The following ADGRV1 variants were observed in gnomAD, a reference collection of about 807,000 sequenced individuals.
The protein encoded by ADGRV1 is adhesion G protein-coupled receptor V1.
A neutral mutation model predicts 596.2 loss-of-function variants in ADGRV1; 359 were observed. That is an observed-to-expected ratio of 0.60 (90% confidence interval 0.55 to 0.66). ADGRV1 has a LOEUF of 0.66. Among genes scored for constraint, ADGRV1 ranks in the 30% least tolerant of loss-of-function variants. The pLI is 0.00. For missense variants in ADGRV1, 7,274 were observed against 7,575.6 expected (o/e 0.96, Z 1.48); for synonymous variants, 2,681 against 2,679.2 (o/e 1.00, Z -0.02).
At chr5:91,093,992 C>G (rs1790617454) in intron 86 of ADGRV1, among the ~76,000 whole-genome samples, 1 of 151,658 alleles carries the variant, frequency 6.6e-6, no homozygotes, top group Non-Finnish European at 1.5e-5. Context: ...GCTGGGATTA[C>G]AGGCATGCGC....
intron 11 of ADGRV1, among the ~76,000 whole-genome samples, chr5:90,641,533 G>A (rs1429597077): frequency 6.6e-6 from 1 of 152,080 alleles, no homozygotes; most frequent in Non-Finnish European, 1.5e-5. Flanking sequence ...GGACAAATTT[G>A]GTATGAAAAT....
intron 54 of ADGRV1, among the ~76,000 whole-genome samples, chr5:90,754,561 A>G (rs1201799992): frequency 1.3e-5 from 2 of 152,094 alleles, no homozygotes; most frequent in Non-Finnish European, 2.9e-5. Context: ...GAACAAAATC[A>G]CTCTTAATGA....
intron 21 of ADGRV1, among the ~76,000 whole-genome samples, chr5:90,666,244 A>T (rs1182477851): frequency 6.6e-6 from 1 of 151,734 alleles, no homozygotes; most frequent in Non-Finnish European, 1.5e-5. Flanking sequence ...AATGTGTGGG[A>T]GTCTAAGTCT....
chr5:90,839,962 A>G (rs1260347584), intron 77 of ADGRV1, among the ~76,000 whole-genome samples: 1 of 152,186 alleles, frequency 6.6e-6, no homozygotes, highest in Admixed American at 6.5e-5. Context: ...TAGTAAATAA[A>G]TGCACATTCC....
chr5:90,787,061 G>A (rs1205104641), intron 67 of ADGRV1, among the ~76,000 whole-genome samples: 1 of 152,188 alleles, frequency 6.6e-6, no homozygotes, highest in Non-Finnish European at 1.5e-5. Context: ...CAGCAGAGAA[G>A]CTTGAGAAGT....
At chr5:90,726,524 T>C (rs17623602) in intron 48 of ADGRV1, among the ~76,000 whole-genome samples, 5,091 of 152,302 alleles carry the variant, frequency 0.033, 111 homozygotes, top group Non-Finnish European at 0.05. Context: ...CCAGATCCAG[T>C]GGGTGTTTTT....
chr5:90,850,692 A>C (rs1766398665), intron 79 of ADGRV1: 1 of 152,186 alleles, frequency 6.6e-6, no homozygotes, highest in African/African-American at 2.4e-5. Flanking sequence ...TAAGATCACC[A>C]GCATGTTAAA....
intron 86 of ADGRV1, among the ~76,000 whole-genome samples, chr5:91,077,361 TGTGCCTGACAACA>T (rs145705617): frequency 0.023 from 3,440 of 152,330 alleles, 117 homozygotes; most frequent in African/African-American, 0.078. Context: ...GTGGATTAAA[TGTGCCTGACAACA>T]GAAGCAACTT....
chr5:91,108,612 T>C (rs963599586), intron 87 of ADGRV1, among the ~76,000 whole-genome samples: 2 of 152,184 alleles, frequency 1.3e-5, no homozygotes, highest in African/African-American at 4.8e-5. Flanking sequence ...TTTTTTCCTT[T>C]GAGACAGGGT....
intron 84 of ADGRV1, among the ~76,000 whole-genome samples, chr5:90,975,468 T>G (rs1779478194): frequency 6.6e-6 from 1 of 152,164 alleles, no homozygotes; most frequent in African/African-American, 2.4e-5. Context: ...CCATCAGTGA[T>G]AGACTGGATT....
At chr5:90,708,084 G>C (rs756894793) in intron 38 of ADGRV1, among the ~76,000 whole-genome samples, 41 of 152,306 alleles carry the variant, frequency 2.7e-4, no homozygotes, top group Non-Finnish European at 4.6e-4. Context: ...ATGTTGGTGA[G>C]TGTGTACTGA....
chr5:90,906,538 G>C (rs893813769), intron 83 of ADGRV1, among the ~76,000 whole-genome samples: 1 of 152,042 alleles, frequency 6.6e-6, no homozygotes, highest in African/African-American at 2.4e-5. Context: ...AGTCTCTAAA[G>C]ATCCTTTGCA....
intron 83 of ADGRV1, among the ~76,000 whole-genome samples, chr5:90,942,763 A>C (rs989370652): frequency 4.6e-5 from 7 of 152,264 alleles, no homozygotes; most frequent in African/African-American, 1.4e-4. Flanking sequence ...AAGTACCTGG[A>C]TTTTTAAAAC....
intron 83 of ADGRV1, among the ~76,000 whole-genome samples, chr5:90,893,209 G>A (rs1022380588): frequency 1.3e-5 from 2 of 152,084 alleles, no homozygotes; most frequent in Non-Finnish European, 2.9e-5. Flanking sequence ...TTGGCTAGAG[G>A]CTCCAGTTCC....
chr5:90,769,524 A>C (rs1244424358), intron 59 of ADGRV1, among the ~76,000 whole-genome samples: 2 of 152,166 alleles, frequency 1.3e-5, no homozygotes, highest in African/African-American at 2.4e-5. Flanking sequence ...ATCATGATGC[A>C]TATCATTTTT....
intron 83 of ADGRV1, among the ~76,000 whole-genome samples, chr5:90,961,998 G>A (rs931316490): frequency 3.3e-5 from 5 of 152,318 alleles, no homozygotes; most frequent in Middle Eastern, 3.4e-3. Flanking sequence ...AGAGGGGACT[G>A]TGCTCGATTT....
At chr5:90,744,791 C>T (rs181716744) in intron 50 of ADGRV1, among the ~76,000 whole-genome samples, 99 of 152,206 alleles carry the variant, frequency 6.5e-4, no homozygotes, top group African/African-American at 2.3e-3. Flanking sequence ...AAATTAGTTT[C>T]GGTTTTAGCA....
rs202007072 is a variant in ADGRV1, at chr5:90,720,964, A to G, written c.9653A>G (p.Asn3218Ser). 4 of 1,612,224 alleles carry G rather than the reference A, an allele frequency of 2.5e-6. No individual in the cohort carries two copies. The highest frequency in any genetic ancestry group is 2.7e-5 in the African/African-American group (2 of 74,976). The change falls in exon 45 of 90, where the codon AAT (asparagine) becomes AGT (serine). Residue 3218 changes from asparagine to serine, a missense_variant. Transcript: ENST00000405460. ...RATSIDIEEANRTVYLNVSRT... is the reference protein window; with the variant it reads ...RATSIDIEEASRTVYLNVSRT... ...ACCTCCATAGACATCGAAGAAGCCA[A>G]TAGGACCGTGTATTTAAATGTATCT...
rs549405965 is a variant in ADGRV1, at chr5:90,569,548, A to G, written c.22+10631A>G. Among the ~76,000 whole-genome samples, 12 of 150,848 alleles carry G rather than the reference A, an allele frequency of 8.0e-5. No homozygotes were observed. The South Asian group carries it at 2.5e-3, about 32-fold the overall frequency. Reference sequence around the variant, plus strand: ...TTTAATTGGAGTATTTAATCCAGTAATATTTAATGTAATTACTGATAAGGT... The same window carrying G: ...TTTAATTGGAGTATTTAATCCAGTAGTATTTAATGTAATTACTGATAAGGT... On this transcript the variant is annotated intron_variant, in intron 1 of 89. Coordinates refer to ENST00000405460, the MANE Select transcript of ADGRV1 (RefSeq NM_032119.4).
Sources: gnomAD v4.1 joint callset for allele counts (sites outside exome capture counted in the v4.1 genomes callset) on GRCh38, gnomAD v4.1.1 for gene constraint, MANE v1.5 for transcripts, NCBI Gene and HGNC (gene_info 2026-07-23, HGNC 2026-07-21) for gene names.